Variants in PTPN20 observed in about 807,000 individuals in gnomAD.
PTPN20 encodes the protein protein tyrosine phosphatase non-receptor type 20.
In PTPN20, 9 loss-of-function variants were observed where a neutral mutation model predicts 35.0. The ratio of observed to expected loss-of-function variants is 0.26; its 90% CI spans 0.15 to 0.45. The LOEUF is 0.45. Ranked by LOEUF, PTPN20 falls within the 20% of genes least tolerant of loss-of-function variation. The probability of loss-of-function intolerance (pLI) is 1.00; values close to 1 mark genes in which losing one functional copy is unlikely to be tolerated. For synonymous variants in PTPN20, 32 were observed against 100.2 expected (o/e 0.32, Z 4.06); for missense variants, 111 against 312.5 (o/e 0.36, Z 4.86).
In PTPN20 at chr10:47,000,664, A is replaced by T; in HGVS notation, c.1198-12A>T. The T allele has an allele frequency of 3.1e-6, 5 of 1,612,924 alleles. No homozygotes were observed. Among genetic ancestry groups the T allele is most frequent in the Admixed American group, 1.7e-5 (1 of 59,958 alleles). ...CTTAACATTCTGTTGTTTTTTATAT[A>T]TATGTATATAGGAGCAGTATCACTT... On this transcript the variant is annotated splice_polypyrimidine_tract_variant and intron_variant, in intron 10 of 10. Transcript: ENST00000374339.
At chr10:46,996,937 A>G (rs1469220757) in intron 9 of PTPN20, among the ~76,000 whole-genome samples, 2 of 152,276 alleles carry the variant, frequency 1.3e-5, no homozygotes, top group East Asian at 3.9e-4. Flanking sequence ...CTCCTTTTTC[A>G]AAATTGTTTG....
Position 47,000,712 on chromosome 10 carries a change from G to A in PTPN20, c.1234G>A (p.Val412Ile). ...CTTTTGTTACGATATTGTGCTTGAA[G>A]TTCTTCGGAAACTTCTGACTTTGGA... ...YHFCYDIVLE[V>I]LRKLLTLD Residue 412 changes from valine (V) to isoleucine (I), a missense_variant, in exon 11 of 11, where the codon GTT becomes ATT. Around this residue, in one of 5 missense-constraint regions of PTPN20, gnomAD observed 61 missense variants for 54.3 expected, o/e 1.12. Transcript: ENST00000374339. 6 of 1,613,582 alleles carry A rather than the reference G, an allele frequency of 3.7e-6. No homozygotes were observed. Among genetic ancestry groups the A allele is most frequent in the Non-Finnish European group, 4.2e-6 (5 of 1,179,586 alleles).
intron 9 of PTPN20, among the ~76,000 whole-genome samples, chr10:46,988,490 A>G (rs2057243105): frequency 6.7e-6 from 1 of 149,322 alleles, no homozygotes; most frequent in Non-Finnish European, 1.5e-5. Context: ...CATTCCTCCT[A>G]TCTAGCTTAA....
chr10:46,997,484 G>C (rs1301691925), intron 9 of PTPN20, among the ~76,000 whole-genome samples: 1 of 151,126 alleles, frequency 6.6e-6, no homozygotes, highest in African/African-American at 2.4e-5. Context: ...TTATTTTCTG[G>C]TCTTATTGCT....
rs36049729 is a variant in PTPN20, at chr10:46,994,322, CTTTTTTTTTTT to C, written c.1135-5576_1135-5566del. ...AATATGTTTGGTGTTCTCTGATGCT[CTTTTTTTTTTT>C]TTTTTTTTTTTTTGAGACGGAGTCT... On this transcript the variant is annotated intron_variant, in intron 9 of 10. Transcript: ENST00000374339. Among the ~76,000 whole-genome samples, 175 of 66,302 alleles carry C rather than the reference CTTTTTTTTTTT, an allele frequency of 2.6e-3. 5 individuals carry two copies. Among genetic ancestry groups the C allele is most frequent in the Middle Eastern group, 0.015 (1 of 66 alleles). 43.5% of individuals were successfully genotyped at this position (66,302 alleles called of 152,430 possible). A position where few individuals can be genotyped will look rare whatever the true frequency, so the allele number is the denominator to read the frequency against.
At chr10:46,977,109 G>C (rs1408333226) in intron 7 of PTPN20, among the ~76,000 whole-genome samples, 1 of 152,224 alleles carries the variant, frequency 6.6e-6, no homozygotes, top group African/African-American at 2.4e-5. Context: ...AAGCTGATTA[G>C]CCTCCATAAC....
At chr10:46,938,959 G>A (rs1463797221) in intron 2 of PTPN20, among the ~76,000 whole-genome samples, 1 of 151,582 alleles carries the variant, frequency 6.6e-6, no homozygotes, top group Non-Finnish European at 1.5e-5. Context: ...TGTCAGGTGA[G>A]GCTGGACTTT....
intron 9 of PTPN20, among the ~76,000 whole-genome samples, chr10:46,994,079 T>A (rs1453565427): frequency 6.6e-6 from 1 of 152,154 alleles, no homozygotes; most frequent in Non-Finnish European, 1.5e-5. Flanking sequence ...TATAGTGTTC[T>A]TGGATAACAG....
In PTPN20 at chr10:47,001,942, C is replaced by A; in HGVS notation, c.*1201C>A. The A allele has an allele frequency of 6.6e-6, 1 of 152,094 alleles. No homozygotes were observed. Among genetic ancestry groups the A allele is most frequent in the Middle Eastern group, 3.4e-3 (1 of 294 alleles). 9.4% of individuals were successfully genotyped at this position (152,094 alleles called of 1,614,324 possible). A position where few individuals can be genotyped will look rare whatever the true frequency, so the allele number is the denominator to read the frequency against. On this transcript the variant is annotated 3_prime_UTR_variant, in exon 11 of 11. Coordinates refer to ENST00000374339, the MANE Select transcript of PTPN20 (RefSeq NM_001042357.5). ...AAAACAATAGATATGAGTGTTTGTACAGTTTAACTCAATGGAGATCAGAAT... is the reference window on the plus strand; with the variant it reads ...AAAACAATAGATATGAGTGTTTGTAAAGTTTAACTCAATGGAGATCAGAAT...
rs1024724190 is a variant in PTPN20, at chr10:46,999,547, T to G, written c.1135-365T>G. Reference sequence around the variant, plus strand: ...CAGTTTCCGTGTGAGTTGACAGGGATCTTCATATAAGAAACAGATATGCTA... The same window carrying G: ...CAGTTTCCGTGTGAGTTGACAGGGAGCTTCATATAAGAAACAGATATGCTA... On this transcript the variant is annotated intron_variant, in intron 9 of 10. Transcript: ENST00000374339. 3.3e-5 allele frequency among the ~76,000 whole-genome samples: 5 copies of G among 152,312 alleles called. No homozygotes were observed. In the South Asian group the frequency reaches 8.3e-4, roughly 25 times the overall value.
In PTPN20 at chr10:46,944,646, AT is replaced by A. The variant is rs560464836; in HGVS notation, c.227+632del. ...CTGTATAAGAATGTGTATATTCTTT[AT>A]ATTATGTGTTTTTGTATGCGTATTG... On this transcript the variant is annotated intron_variant, in intron 4 of 10. Coordinates refer to ENST00000374339, the MANE Select transcript of PTPN20 (RefSeq NM_001042357.5). Among the ~76,000 whole-genome samples, 663 of 118,840 alleles carry A rather than the reference AT, an allele frequency of 5.6e-3. 20 individuals carry two copies. Among genetic ancestry groups the A allele is most frequent in the African/African-American group, 0.025 (612 of 24,162 alleles). 78.0% of individuals were successfully genotyped at this position (118,840 alleles called of 152,430 possible). A position where few individuals can be genotyped will look rare whatever the true frequency, so the allele number is the denominator to read the frequency against.
At chr10:46,988,909 G>A (rs1430135521) in intron 9 of PTPN20, among the ~76,000 whole-genome samples, 2 of 146,152 alleles carry the variant, frequency 1.4e-5, no homozygotes, top group Non-Finnish European at 3.0e-5. Context: ...CAGCTAGTTT[G>A]TTATTGGAGT....
chr10:46,947,006 C>A (rs1267425318), intron 5 of PTPN20, among the ~76,000 whole-genome samples: 2 of 149,978 alleles, frequency 1.3e-5, no homozygotes, highest in African/African-American at 5.0e-5. Context: ...ATTTGTTGCA[C>A]AATATATGCT....
At chr10:46,958,503 TC>T (rs1351812652) in intron 5 of PTPN20, among the ~76,000 whole-genome samples, 1 of 16,194 alleles carries the variant, frequency 6.2e-5, no homozygotes, top group African/African-American at 2.7e-4. Flanking sequence ...GCTTTTGGTT[TC>T]ATTGATTTTT....
intron 5 of PTPN20, among the ~76,000 whole-genome samples, chr10:46,952,696 G>C (rs2047057474): frequency 2.0e-5 from 3 of 151,222 alleles, no homozygotes; most frequent in Admixed American, 2.0e-4. Context: ...CAAGATCTAA[G>C]TCATTAGTAG....
intron 1 of PTPN20, among the ~76,000 whole-genome samples, chr10:46,919,327 T>G (rs1358052346): frequency 6.6e-6 from 1 of 150,642 alleles, no homozygotes; most frequent in Admixed American, 6.6e-5. Flanking sequence ...TTGCCAGGTT[T>G]GCGCTTGCCT....
Position 46,934,719 on chromosome 10 carries a change from T to C in PTPN20, c.34+2186T>C, listed in dbSNP as rs1310380451. Reference sequence around the variant, plus strand: ...CACCATGTGATTTGCTGGCTCCTCATTCACTTTTTGCCATGACTATAAGCC... The same window carrying C: ...CACCATGTGATTTGCTGGCTCCTCACTCACTTTTTGCCATGACTATAAGCC... On this transcript the variant is annotated intron_variant, in intron 2 of 10. Coordinates refer to ENST00000374339, the MANE Select transcript of PTPN20 (RefSeq NM_001042357.5). 4.7e-5 allele frequency among the ~76,000 whole-genome samples: 5 copies of C among 107,360 alleles called. No individual in the cohort carries two copies. The East Asian group carries it at 1.3e-3, about 29-fold the overall frequency. 70.4% of individuals were successfully genotyped at this position (107,360 alleles called of 152,430 possible). A position where few individuals can be genotyped will look rare whatever the true frequency, so the allele number is the denominator to read the frequency against.
intron 7 of PTPN20, among the ~76,000 whole-genome samples, chr10:46,983,078 T>C (rs1474112574): frequency 1.1e-4 from 16 of 140,794 alleles, no homozygotes; most frequent in African/African-American, 2.1e-4. Context: ...TTTTTTTTTT[T>C]TTTTTTTTGT....
chr10:46,928,228 C>T (rs2038296307), intron 1 of PTPN20, among the ~76,000 whole-genome samples: 1 of 152,050 alleles, frequency 6.6e-6, no homozygotes, highest in South Asian at 2.1e-4. Context: ...CCAATGAATG[C>T]TCACAGTAAT....
Sources: gnomAD v4.1 joint callset for allele counts (sites outside exome capture counted in the v4.1 genomes callset) on GRCh38, gnomAD v4.1.1 for gene constraint, gnomAD v4.1.1 regional missense constraint, MANE v1.5 for transcripts, NCBI Gene and HGNC (gene_info 2026-07-23, HGNC 2026-07-21) for gene names.